TRAPPC2: variants seen among roughly 807,000 people sequenced by gnomAD.
The protein encoded by TRAPPC2 is sedlin.
A neutral mutation model predicts 10.0 loss-of-function variants in TRAPPC2; 4 were observed. The observed-to-expected ratio is 0.40, with a 90% CI of 0.20 to 0.92. TRAPPC2 has a LOEUF of 0.92. Among genes scored for constraint, TRAPPC2 ranks in the 40% least tolerant of loss-of-function variants. The pLI is 0.35. For synonymous variants in TRAPPC2, 36 were observed against 37.3 expected, an observed-to-expected ratio of 0.97 and a Z score of 0.12; for missense variants, 52 against 108.7, an observed-to-expected ratio of 0.48 and a Z score of 2.32.
chrX:13,725,144 C>T (rs753113061), intron 2 of TRAPPC2, among the ~76,000 whole-genome samples: 1 of 113,186 alleles, frequency 8.8e-6, no homozygotes, highest in East Asian at 2.8e-4. Context: ...AGCCTACTGC[C>T]TCTAGACTCC....
rs1467202974 is a variant in TRAPPC2 at position 13,732,110 on chromosome X, C to T, written c.-20+1934G>A. On this transcript the variant is annotated intron_variant, in intron 2 of 5. Transcript: ENST00000380579. The stretch of plus-strand genomic sequence containing the variant: ...TGATAGGTTTGTCAAAAAAGCTAAT[C>T]AATTCTAGGTGGCATTAAGAGCAAG... Among the ~76,000 whole-genome samples, 2 of 111,996 alleles carry T rather than the reference C, an allele frequency of 1.8e-5. 1 individual carries two copies. The highest frequency in any genetic ancestry group is 5.6e-4 in the East Asian group (2 of 3,592).
At chrX:13,727,817 T>G (rs1035196339) in intron 2 of TRAPPC2, among the ~76,000 whole-genome samples, 23 of 111,108 alleles carry the variant, frequency 2.1e-4, no homozygotes, top group Admixed American at 1.9e-4. Flanking sequence ...AGGAGCTGGT[T>G]TTTTCAAAAG....
rs1231533667 is a variant in TRAPPC2, at chrX:13,722,860, G to A, written c.-19-2878C>T. 2.7e-5 allele frequency among the ~76,000 whole-genome samples: 3 copies of A among 111,246 alleles called. No homozygotes were observed. In the Admixed American group the frequency reaches 2.8e-4, roughly 11 times the overall value. ...GGGCGGATCACGAGGTCAGGAGATC[G>A]AGACCATCCTGGCTAACATGGTGAA... On this transcript the variant is annotated intron_variant, in intron 2 of 5. Coordinates refer to ENST00000380579, the MANE Select transcript of TRAPPC2 (RefSeq NM_001011658.4).
intron 4 of TRAPPC2, 163 bp downstream of exon 4, chrX:13,716,371 T>C: frequency 1.5e-6 from 1 of 652,443 alleles, no homozygotes; most frequent in Non-Finnish European, 2.3e-6. Flanking sequence ...AAACAAAATG[T>C]TTTTCCCCCC....
intron 2 of TRAPPC2, among the ~76,000 whole-genome samples, chrX:13,725,910 T>A (rs1007722052): frequency 1.8e-5 from 2 of 111,610 alleles, no homozygotes; most frequent in Non-Finnish European, 3.8e-5. Context: ...AGAGAAGACC[T>A]TAAATGACCT....
chrX:13,728,322 C>T (rs774347365), intron 2 of TRAPPC2, among the ~76,000 whole-genome samples: 1 of 111,870 alleles, frequency 8.9e-6, no homozygotes, highest in African/African-American at 3.3e-5. Flanking sequence ...GACCAATATC[C>T]CCGATGAACA....
At chrX:13,727,033 G>A (rs1310185086) in intron 2 of TRAPPC2, among the ~76,000 whole-genome samples, 1 of 112,051 alleles carries the variant, frequency 8.9e-6, no homozygotes, top group Non-Finnish European at 1.9e-5. Flanking sequence ...ATGGTAAAGG[G>A]ATCAATTCAA....
At chrX:13,732,704 G>C (rs750454782) in intron 2 of TRAPPC2, among the ~76,000 whole-genome samples, 2 of 113,031 alleles carry the variant, frequency 1.8e-5, no homozygotes, top group Non-Finnish European at 3.7e-5. Context: ...TAAGGGGTGG[G>C]TGGAACACCA....
chrX:13,715,649 A>T, intron 5 of TRAPPC2: 1 of 234,780 alleles, frequency 4.3e-6, no homozygotes, highest in Non-Finnish European at 6.3e-6. Flanking sequence ...TTTGTAAAGT[A>T]GATGGAAACA....
intron 3 of TRAPPC2, among the ~76,000 whole-genome samples, chrX:13,717,414 G>T (rs2046319933): frequency 8.9e-6 from 1 of 112,153 alleles, no homozygotes; most frequent in Non-Finnish European, 1.9e-5. Context: ...TTCAGAACTT[G>T]GAATGCAGTC....
At position 13,713,726 on chromosome X, in the gene TRAPPC2, T is replaced by A; in HGVS notation, c.*681A>T. 1 of 108,713 alleles carries A rather than the reference T, an allele frequency of 9.2e-6. No individual in the cohort carries two copies. The highest frequency in any genetic ancestry group is 1.9e-5 in the Non-Finnish European group (1 of 52,402). 9.0% of individuals were successfully genotyped at this position (108,713 alleles called of 1,213,427 possible). Reference sequence around the variant, plus strand: ...ACTCGGGAGGCTGAAGAAGGAGAATTGCTTGAACCCGGGAGGTGGAGGTTG... The same window carrying A: ...ACTCGGGAGGCTGAAGAAGGAGAATAGCTTGAACCCGGGAGGTGGAGGTTG... On this transcript the variant is annotated 3_prime_UTR_variant, in exon 6 of 6. Transcript: ENST00000380579.
chrX:13,729,604 T>C (rs1243736253), intron 2 of TRAPPC2, among the ~76,000 whole-genome samples: 1 of 112,131 alleles, frequency 8.9e-6, no homozygotes, highest in Non-Finnish European at 1.9e-5. Context: ...TAATTCAAGA[T>C]GGATTAAAGA....
rs754755060 is a variant in TRAPPC2 at position 13,731,787 on chromosome X, C to T, written c.-20+2257G>A. 3.6e-5 allele frequency among the ~76,000 whole-genome samples: 4 copies of T among 112,112 alleles called. No individual in the cohort carries two copies. The South Asian group carries it at 1.5e-3, about 41-fold the overall frequency. ...TCTCTAGTAAGGCTTTGAGGTTGAC[C>T]TTAACCTAGTCTAGCTCAGTATTTG... On this transcript the variant is annotated intron_variant, in intron 2 of 5. Coordinates refer to ENST00000380579, the MANE Select transcript of TRAPPC2 (RefSeq NM_001011658.4).
At chrX:13,724,360 G>A (rs1270713334) in intron 2 of TRAPPC2, among the ~76,000 whole-genome samples, 1 of 106,132 alleles carries the variant, frequency 9.4e-6, no homozygotes, top group African/African-American at 3.5e-5. Flanking sequence ...GCATCAGAAG[G>A]GCAAAGGCCT....
chrX:13,728,854 A>G (rs1285218993), intron 2 of TRAPPC2, among the ~76,000 whole-genome samples: 1 of 112,063 alleles, frequency 8.9e-6, no homozygotes, highest in East Asian at 2.8e-4. Context: ...AGAAAACCCC[A>G]TGGTCTCAGT....
chrX:13,733,989 A>C, intron 2 of TRAPPC2, 55 bp downstream of exon 2: 1 of 512,215 alleles, frequency 2.0e-6, no homozygotes. Context: ...CGCTTCTGAG[A>C]GGTTTGGTTC....
intron 3 of TRAPPC2, 61 bp downstream of exon 3, chrX:13,719,810 C>T (rs144653482): frequency 5.0e-6 from 1 of 198,247 alleles, no homozygotes; most frequent in Non-Finnish European, 7.0e-6. Flanking sequence ...CTGTCCAGAT[C>T]TTCCAGTTCT....
At chrX:13,722,189 C>T (rs775185891) in intron 2 of TRAPPC2, 1 of 52,027 alleles carries the variant, frequency 1.9e-5, no homozygotes, top group African/African-American at 7.2e-5. Flanking sequence ...TTACTTTCTT[C>T]AGTACATTTA....
chrX:13,717,741 A>G (rs184408489), intron 3 of TRAPPC2, among the ~76,000 whole-genome samples: 3 of 111,804 alleles, frequency 2.7e-5, no homozygotes, highest in Non-Finnish European at 5.6e-5. Flanking sequence ...CTCCGTCTCA[A>G]AAAAACCCAA....
Sources: allele counts gnomAD v4.1 joint callset (sites outside exome capture counted in the v4.1 genomes callset), GRCh38; gene constraint gnomAD v4.1.1; transcripts MANE v1.5; gene names NCBI Gene and HGNC (gene_info 2026-07-23, HGNC 2026-07-21).